KIAA1328: variants seen among roughly 807,000 people sequenced by gnomAD.
KIAA1328 encodes the protein protein hinderin.
KIAA1328 carries 52 observed loss-of-function variants against 68.1 expected under a neutral mutation model. The observed-to-expected ratio is 0.76, with a 90% CI of 0.61 to 0.96. KIAA1328 has a LOEUF of 0.96. Ranked by LOEUF, KIAA1328 falls within the 40% of genes least tolerant of loss-of-function variation. The pLI is 0.00. For missense variants in KIAA1328, 641 were observed against 677.6 expected (o/e 0.95, Z 0.60); for synonymous variants, 232 against 239.4 (o/e 0.97, Z 0.28).
chr18:36,931,341 C>A (rs2050302199), intron 5 of KIAA1328, among the ~76,000 whole-genome samples: 1 of 151,986 alleles, frequency 6.6e-6, no homozygotes, highest in Non-Finnish European at 1.5e-5. Context: ...AGATCAGTGG[C>A]AGCATTAGAT....
At chr18:37,182,792 T>C (rs926140993) in intron 9 of KIAA1328, among the ~76,000 whole-genome samples, 2 of 152,192 alleles carry the variant, frequency 1.3e-5, no homozygotes, top group Non-Finnish European at 2.9e-5. Flanking sequence ...TAATAGCTAT[T>C]TTATAAATTT....
At chr18:36,852,901 G>A (rs1335308321) in intron 4 of KIAA1328, among the ~76,000 whole-genome samples, 1 of 152,138 alleles carries the variant, frequency 6.6e-6, no homozygotes, top group East Asian at 1.9e-4. Context: ...GTTATTGAAA[G>A]TGTGTTATTT....
At chr18:37,025,993 GA>G (rs1460566902) in intron 6 of KIAA1328, among the ~76,000 whole-genome samples, 2 of 151,822 alleles carry the variant, frequency 1.3e-5, no homozygotes, top group Non-Finnish European at 2.9e-5. Flanking sequence ...TAACAAAGAA[GA>G]AAAGAGAAGA....
At chr18:37,182,452 A>G (rs58683840) in intron 9 of KIAA1328, among the ~76,000 whole-genome samples, 1 of 152,264 alleles carries the variant, frequency 6.6e-6, no homozygotes, top group African/African-American at 2.4e-5. Context: ...GGGAGTAATA[A>G]TATCTCCCTC....
At chr18:37,015,401 C>A (rs1218914452) in intron 6 of KIAA1328, among the ~76,000 whole-genome samples, 1 of 152,086 alleles carries the variant, frequency 6.6e-6, no homozygotes, top group African/African-American at 2.4e-5. Context: ...GTTACTATAT[C>A]CTTGTAGTAT....
chr18:36,885,611 A>G lies in KIAA1328; in HGVS notation c.387A>G (p.Ser129=). ...TEERLKAEQE[S]FEKKIRQLEE... Reference sequence around the variant, plus strand: ...AAAGACTGAAAGCTGAGCAGGAGTCATTTGAGAAGAAGATCAGGCAGTTGG... The same window carrying G: ...AAAGACTGAAAGCTGAGCAGGAGTCGTTTGAGAAGAAGATCAGGCAGTTGG... The change falls in exon 5 of 10, where the codon TCA becomes TCG. Residue 129 remains serine (S), a synonymous_variant. Transcript: ENST00000280020. 1 of 1,603,338 alleles carries G rather than the reference A, an allele frequency of 6.2e-7. No homozygotes were observed. Among genetic ancestry groups the G allele is most frequent in the Non-Finnish European group, 8.5e-7 (1 of 1,174,986 alleles).
At chr18:37,051,243 A>C (rs1479273564) in intron 6 of KIAA1328, among the ~76,000 whole-genome samples, 9 of 146,150 alleles carry the variant, frequency 6.2e-5, no homozygotes, top group Non-Finnish European at 1.5e-5. Flanking sequence ...AAAAAAAAAA[A>C]CATATAAAAA....
At chr18:36,945,476 G>A (rs1241873215) in intron 5 of KIAA1328, among the ~76,000 whole-genome samples, 1 of 152,132 alleles carries the variant, frequency 6.6e-6, no homozygotes, top group Non-Finnish European at 1.5e-5. Flanking sequence ...AAAGAGACAA[G>A]TAATGAAATA....
At chr18:36,961,312 T>A (rs1247447855) in intron 6 of KIAA1328, among the ~76,000 whole-genome samples, 2 of 152,068 alleles carry the variant, frequency 1.3e-5, no homozygotes, top group Non-Finnish European at 1.5e-5. Flanking sequence ...AATATGGGAA[T>A]ATGTGAAAAG....
At position 37,067,360 on chromosome 18, in the gene KIAA1328, T is replaced by A. The variant is rs3747896; in HGVS notation, c.1047T>A (p.Gly349=). ...RLSWASLVHG[G]GALQPIETLK... Reference sequence around the variant, plus strand: ...CTTGGGCATCTCTGGTGCATGGTGGTGGGGCACTGCAACCCATTGAAACTT... The same window carrying A: ...CTTGGGCATCTCTGGTGCATGGTGGAGGGGCACTGCAACCCATTGAAACTT... Residue 349 remains glycine (G), a synonymous_variant, in exon 7 of 10, where the codon GGT becomes GGA. Coordinates refer to ENST00000280020, the MANE Select transcript of KIAA1328 (RefSeq NM_020776.3). 0.16 allele frequency: 259,256 copies of A among 1,613,392 alleles called. 29,022 individuals carry two copies. Among genetic ancestry groups the A allele is most frequent in the African/African-American group, 0.6 (44,742 of 74,868 alleles).
chr18:36,854,671 G>A (rs7234586), intron 4 of KIAA1328, among the ~76,000 whole-genome samples: 2 of 151,798 alleles, frequency 1.3e-5, no homozygotes, highest in Admixed American at 6.6e-5. Context: ...TGAGAGTTAA[G>A]TTCACATAAT....
chr18:37,038,558 T>G (rs2055121130), intron 6 of KIAA1328, among the ~76,000 whole-genome samples: 1 of 152,182 alleles, frequency 6.6e-6, no homozygotes, highest in Non-Finnish European at 1.5e-5. Flanking sequence ...GTAATTGATC[T>G]TGTACTCTGT....
intron 7 of KIAA1328, among the ~76,000 whole-genome samples, chr18:37,092,908 A>G (rs2057305220): frequency 2.0e-5 from 3 of 151,996 alleles, no homozygotes. Context: ...TAGACCTGCC[A>G]CTCTCAGTGC....
intron 9 of KIAA1328, among the ~76,000 whole-genome samples, chr18:37,200,577 C>T (rs940800028): frequency 2.0e-5 from 3 of 151,084 alleles, no homozygotes; most frequent in Admixed American, 6.6e-5. Context: ...TTTGGGAGGC[C>T]GAGGCGGGTG....
intron 4 of KIAA1328, among the ~76,000 whole-genome samples, chr18:36,868,934 C>A (rs1400440021): frequency 6.6e-6 from 1 of 151,418 alleles, no homozygotes; most frequent in Non-Finnish European, 1.5e-5. Flanking sequence ...TTATTCTGGT[C>A]TTTATTTTTT....
At chr18:36,870,806 G>A (rs556218002) in intron 4 of KIAA1328, among the ~76,000 whole-genome samples, 59 of 152,276 alleles carry the variant, frequency 3.9e-4, no homozygotes, top group Middle Eastern at 6.8e-3. Flanking sequence ...CATCCCCTTA[G>A]TCTTCTTCAA....
At chr18:37,162,185 T>C (rs2059293995) in intron 8 of KIAA1328, among the ~76,000 whole-genome samples, 1 of 152,160 alleles carries the variant, frequency 6.6e-6, no homozygotes, top group South Asian at 2.1e-4. Context: ...CTGCAAAGTT[T>C]TCAGGAATAG....
intron 6 of KIAA1328, among the ~76,000 whole-genome samples, chr18:37,011,867 G>A (rs1361378356): frequency 6.6e-6 from 1 of 151,710 alleles, no homozygotes; most frequent in Non-Finnish European, 1.5e-5. Context: ...TAATTTTTGT[G>A]ATGATTACCC....
At chr18:37,214,298 C>A (rs1275763342) in intron 9 of KIAA1328, among the ~76,000 whole-genome samples, 1 of 152,202 alleles carries the variant, frequency 6.6e-6, no homozygotes, top group Non-Finnish European at 1.5e-5. Context: ...ACATTTAAGT[C>A]TTTAATCCTT....
Sources: allele counts gnomAD v4.1 joint callset (sites outside exome capture counted in the v4.1 genomes callset), GRCh38; gene constraint gnomAD v4.1.1; transcripts MANE v1.5; gene names NCBI Gene and HGNC (gene_info 2026-07-23, HGNC 2026-07-21).